The following PCDHGA7 variants were observed in gnomAD, a reference collection of about 807,000 sequenced individuals.
PCDHGA7 encodes the protein protocadherin gamma subfamily A, 7, also known as protocadherin gamma-A7.
PCDHGA7 carries 44 observed loss-of-function variants against 58.3 expected under a neutral mutation model. That is an observed-to-expected ratio of 0.75 (90% CI 0.59 to 0.97). PCDHGA7 has a LOEUF of 0.97. Ranked by LOEUF, PCDHGA7 falls within the 50% of genes least tolerant of loss-of-function variation. The pLI, the probability that PCDHGA7 is intolerant of heterozygous loss-of-function variation, is 0.00. For synonymous variants in PCDHGA7, 516 were observed against 504.2 expected (o/e 1.02, Z -0.31); for missense variants, 1,266 against 1,188.7 (o/e 1.06, Z -0.96).
chr5:141,430,657 A>G (rs2097300740), intron 1 of PCDHGA7: 1 of 1,093,240 alleles, frequency 9.1e-7, no homozygotes, highest in African/African-American at 1.6e-5. Flanking sequence ...GAAACAACGG[A>G]GGAGCTCTGA....
chr5:141,404,886 C>T (rs1248535405), intron 1 of PCDHGA7: 2 of 1,613,906 alleles, frequency 1.2e-6, no homozygotes, highest in South Asian at 1.1e-5. Context: ...CTTGTGGTGG[C>T]TGTACAGGAC....
At chr5:141,461,821 T>A (rs569091880) in intron 1 of PCDHGA7, among the ~76,000 whole-genome samples, 1 of 151,286 alleles carries the variant, frequency 6.6e-6, no homozygotes, top group South Asian at 2.1e-4. Context: ...ACCCAGCTAA[T>A]TTTTTTTTCT....
At position 141,472,488 on chromosome 5, in the gene PCDHGA7, C is replaced by T. The variant is rs183545662; in HGVS notation, c.2425-22319C>T. 4.0e-3 allele frequency among the ~76,000 whole-genome samples: 607 copies of T among 151,768 alleles called. 6 individuals carry two copies. The highest frequency in any genetic ancestry group is 0.011 in the Admixed American group (174 of 15,254). On this transcript the variant is annotated intron_variant, in intron 1 of 3. Coordinates refer to ENST00000518325, the MANE Select transcript of PCDHGA7 (RefSeq NM_018920.4). Reference sequence around the variant, plus strand: ...CCAGAAGGCAGAGCTTGCAGTGAGACGAGATCGTGCCACTGCACTCCAGCC... The same window carrying T: ...CCAGAAGGCAGAGCTTGCAGTGAGATGAGATCGTGCCACTGCACTCCAGCC...
Position 141,382,856 on chromosome 5 carries a change from G to A in PCDHGA7, c.-44G>A. ...CACCCGGATACACCCGCATTCTGAA[G>A]CACTTCCCGAGATCGGCGCCTAAGC... is the stretch of plus-strand genomic sequence containing the variant. On this transcript the variant is annotated 5_prime_UTR_variant, in exon 1 of 4. Transcript: ENST00000518325. 1 of 1,504,886 alleles carries A rather than the reference G, an allele frequency of 6.6e-7. No homozygotes were observed. Among genetic ancestry groups the A allele is most frequent in the Non-Finnish European group, 8.9e-7 (1 of 1,123,032 alleles). The allele number at this position is 1,504,886 out of a possible 1,614,324, so 93.2% of individuals were successfully genotyped here.
chr5:141,421,901 G>A lies in PCDHGA7; in HGVS notation c.2424+36578G>A. ...GATGGAGGCGATCCCATCCGAAAGG[G>A]CGCAGTTCCCATTCGTGTGGTGGTC... is the stretch of plus-strand genomic sequence containing the variant. On this transcript the variant is annotated intron_variant, in intron 1 of 3. Coordinates refer to ENST00000518325, the MANE Select transcript of PCDHGA7 (RefSeq NM_018920.4). 1.9e-6 allele frequency: 3 copies of A among 1,613,724 alleles called. No individual in the cohort carries two copies. Among genetic ancestry groups the A allele is most frequent in the East Asian group, 2.2e-5 (1 of 44,880 alleles).
At chr5:141,475,218 A>G (rs2154572291) in intron 1 of PCDHGA7, among the ~76,000 whole-genome samples, 1 of 152,326 alleles carries the variant, frequency 6.6e-6, no homozygotes, top group African/African-American at 2.4e-5. Flanking sequence ...GGATTGATCA[A>G]GTAAAGGGAA....
chr5:141,385,132 G>A lies in PCDHGA7; in HGVS notation c.2233G>A (p.Gly745Arg), dbSNP rs763210124. The A allele has an allele frequency of 5.6e-6, 9 of 1,614,208 alleles. No individual in the cohort carries two copies. The highest frequency in any genetic ancestry group is 1.6e-4 in the Middle Eastern group (1 of 6,062). Residue 745 changes from glycine (G) to arginine (R), a missense_variant, in exon 1 of 4, where the codon GGG becomes AGG. Physicochemically the swap from Gly to Arg is moderately radical, Grantham distance 125. Coordinates refer to ENST00000518325, the MANE Select transcript of PCDHGA7 (RefSeq NM_018920.4). Reference protein sequence around the residue: ...VPTSHFVGMDGVQAFLQTYSH... With the variant: ...VPTSHFVGMDRVQAFLQTYSH... The stretch of plus-strand genomic sequence containing the variant: ...CACCTCGCACTTTGTGGGCATGGAC[G>A]GGGTGCAGGCTTTCCTGCAGACCTA...
Position 141,477,200 on chromosome 5 carries a change from C to T in PCDHGA7, c.2425-17607C>T. ...AGTCACCTCCGTGTACAGCCCAGTACCCGAGGATGCCCCTCTGGGGACTGT... is the reference window on the plus strand; with the variant it reads ...AGTCACCTCCGTGTACAGCCCAGTATCCGAGGATGCCCCTCTGGGGACTGT... On this transcript the variant is annotated intron_variant, in intron 1 of 3. Transcript: ENST00000518325. This position sits in a 1 kb window ranked among gnomAD's most constrained non-coding sequence, Gnocchi z 4.9. The T allele has an allele frequency of 1.2e-6, 2 of 1,614,206 alleles. No individual in the cohort carries two copies. The highest frequency in any genetic ancestry group is 1.3e-5 in the African/African-American group (1 of 75,056).
At chr5:141,400,168 C>T (rs1042097050) in intron 1 of PCDHGA7, 5 of 1,614,088 alleles carry the variant, frequency 3.1e-6, no homozygotes, top group Non-Finnish European at 4.2e-6. Flanking sequence ...CTCTGACCCC[C>T]AGGCTGAGCT....
At chr5:141,497,691 C>T (rs2099778682) in intron 2 of PCDHGA7, among the ~76,000 whole-genome samples, 1 of 152,066 alleles carries the variant, frequency 6.6e-6, no homozygotes, top group African/African-American at 2.4e-5. Flanking sequence ...AGGTGTGCAC[C>T]ACCACACCCA....
chr5:141,399,525 C>T (rs1170362164), intron 1 of PCDHGA7: 1 of 1,614,058 alleles, frequency 6.2e-7, no homozygotes, highest in East Asian at 2.2e-5. Flanking sequence ...CTGGGGCCTC[C>T]ATCGCGCAAG....
chr5:141,418,875 A>G (rs2097697666), intron 1 of PCDHGA7: 1 of 1,613,926 alleles, frequency 6.2e-7, no homozygotes, highest in African/African-American at 1.3e-5. Flanking sequence ...GAAGTTGTAG[A>G]CGAAAACGAC....
At position 141,432,195 on chromosome 5, in the gene PCDHGA7, C is replaced by G; in HGVS notation, c.2424+46872C>G. 1 of 1,614,206 alleles carries G rather than the reference C, an allele frequency of 6.2e-7. No individual in the cohort carries two copies. The highest frequency in any genetic ancestry group is 8.5e-7 in the Non-Finnish European group (1 of 1,180,050). On this transcript the variant is annotated intron_variant, in intron 1 of 3. Transcript: ENST00000518325. The surrounding 1 kb of genome is among the most constrained non-coding windows in gnomAD (Gnocchi z 6.0). ...CTCGTCTCTGTGACCGCCCACGACC[C>G]CGACTGTGAAGAGAACGCCCAGATC...
In PCDHGA7 at chr5:141,477,531, C is replaced by T. The variant is rs1316982512; in HGVS notation, c.2425-17276C>T. 5 of 1,614,162 alleles carry T rather than the reference C, an allele frequency of 3.1e-6. No homozygotes were observed. Among genetic ancestry groups the T allele is most frequent in the Middle Eastern group, 1.6e-4 (1 of 6,062 alleles). On this transcript the variant is annotated intron_variant, in intron 1 of 3. Transcript: ENST00000518325. This position sits in a 1 kb window ranked among gnomAD's most constrained non-coding sequence, Gnocchi z 4.9. ...GTTTACATTGAAGAAAACAACCTCC[C>T]CGGGGCTCCAATACTAAACCTAAGT... is the stretch of plus-strand genomic sequence containing the variant.
chr5:141,399,610 C>T, intron 1 of PCDHGA7: 1 of 1,613,946 alleles, frequency 6.2e-7, no homozygotes, highest in Non-Finnish European at 8.5e-7. Flanking sequence ...CCTAGAGCCT[C>T]TGGCACTGGC....
chr5:141,464,973 TTC>T (rs2154568681), intron 1 of PCDHGA7, among the ~76,000 whole-genome samples: 1 of 152,092 alleles, frequency 6.6e-6, no homozygotes, highest in East Asian at 1.9e-4. Flanking sequence ...AACTACTGGC[TTC>T]AAGTGATCCT....
chr5:141,481,913 CAA>C (rs34114744), intron 1 of PCDHGA7, among the ~76,000 whole-genome samples: 12,059 of 90,730 alleles, frequency 0.13, 576 homozygotes, highest in African/African-American at 0.21. Flanking sequence ...AACTCCATCT[CAA>C]AAAAAAAAAA....
intron 1 of PCDHGA7, chr5:141,478,523 G>A: frequency 1.2e-6 from 2 of 1,609,908 alleles, no homozygotes; most frequent in Non-Finnish European, 1.7e-6. Flanking sequence ...GGTGTTGGGT[G>A]CAGAGAGCGC....
At chr5:141,457,432 C>G (rs982456249) in intron 1 of PCDHGA7, among the ~76,000 whole-genome samples, 1 of 152,172 alleles carries the variant, frequency 6.6e-6, no homozygotes, top group Non-Finnish European at 1.5e-5. Context: ...TCCCCCCCAC[C>G]AAGCTGCAGA....
Sources: gnomAD v4.1 joint callset for allele counts (sites outside exome capture counted in the v4.1 genomes callset) on GRCh38, gnomAD v4.1.1 for gene constraint, Gnocchi (gnomAD v3.1) non-coding constraint, MANE v1.5 for transcripts, NCBI Gene and HGNC (gene_info 2026-07-23, HGNC 2026-07-21) for gene names.